The following FHL2 variants were observed in gnomAD, a reference collection of about 807,000 sequenced individuals.
FHL2 encodes four and a half LIM domains 2, also known as four and a half LIM domains protein 2.
Under a neutral mutation model 32.7 loss-of-function variants are expected in FHL2, and 20 were observed. The ratio of observed to expected loss-of-function variants is 0.61; its 90% confidence interval spans 0.43 to 0.89. The LOEUF (loss-of-function observed/expected upper bound fraction) is 0.89, where lower values mean the gene tolerates loss of function less well. Ranked by LOEUF, FHL2 falls within the 40% of genes least tolerant of loss-of-function variation. The pLI, the probability that FHL2 is intolerant of heterozygous loss-of-function variation, is 0.00. For synonymous variants in FHL2, 123 were observed against 128.1 expected (o/e 0.96, Z 0.27); for missense variants, 311 against 358.6 (o/e 0.87, Z 1.07).
chr2:105,370,252 G>A (rs897719437), intron 4 of FHL2, among the ~76,000 whole-genome samples: 38 of 152,060 alleles, frequency 2.5e-4, no homozygotes, highest in Non-Finnish European at 4.6e-4. Flanking sequence ...GTGTGTGCCT[G>A]AGGTCCTAGA....
chr2:105,407,563 T>C (rs779456903), intron 1 of FHL2, among the ~76,000 whole-genome samples: 1 of 151,824 alleles, frequency 6.6e-6, no homozygotes, highest in Non-Finnish European at 1.5e-5. Context: ...ATAACTTGAA[T>C]TAAAGCAAAG....
At chr2:105,404,469 C>T (rs577492037) in intron 1 of FHL2, among the ~76,000 whole-genome samples, 1 of 152,298 alleles carries the variant, frequency 6.6e-6, no homozygotes, top group African/African-American at 2.4e-5. Context: ...GGTGGTGGCA[C>T]AGAAAGCTGG....
In FHL2 at chr2:105,423,282, T is replaced by G. The variant is rs77623772; in HGVS notation, c.-25+15117A>C. ...AAATTACAGTTCGATTTTGAATTAT[T>G]TGCAAGCCACTTGAAGATTTCATAA... is the stretch of plus-strand genomic sequence containing the variant. On this transcript the variant is annotated intron_variant, in intron 1 of 5. Transcript: ENST00000393352. 8.5e-3 allele frequency among the ~76,000 whole-genome samples: 1,296 copies of G among 152,336 alleles called. 25 individuals carry two copies. Among genetic ancestry groups the G allele is most frequent in the African/African-American group, 0.03 (1,245 of 41,572 alleles).
chr2:105,370,270 G>T (rs7576334), intron 4 of FHL2, among the ~76,000 whole-genome samples: 1,770 of 152,190 alleles, frequency 0.012, 31 homozygotes, highest in African/African-American at 0.041. Context: ...AGACACGTAG[G>T]AGGCTGAGGT....
chr2:105,408,990 T>C (rs993333217), intron 1 of FHL2, among the ~76,000 whole-genome samples: 1 of 152,068 alleles, frequency 6.6e-6, no homozygotes, highest in Non-Finnish European at 1.5e-5. Flanking sequence ...CACCAGGTCA[T>C]GGTGTCCTCT....
At chr2:105,414,002 G>A (rs147094878) in intron 1 of FHL2, among the ~76,000 whole-genome samples, 11 of 152,298 alleles carry the variant, frequency 7.2e-5, no homozygotes, top group East Asian at 1.9e-4. Context: ...TTCAGATGCC[G>A]CTTGCAAATA....
intron 1 of FHL2, among the ~76,000 whole-genome samples, chr2:105,434,304 GC>G (rs1414707552): frequency 7.9e-5 from 12 of 152,244 alleles, no homozygotes; most frequent in African/African-American, 2.9e-4. Context: ...AGGCACGGTG[GC>G]TCACGCCTGT....
At chr2:105,401,851 A>G (rs567700689), upstream of FHL2, among the ~76,000 whole-genome samples, 1 of 152,230 alleles carries the variant, frequency 6.6e-6, no homozygotes, top group Non-Finnish European at 1.5e-5. Context: ...AAGACAATGT[A>G]TATTTATAAG....
chr2:105,377,854 C>T (rs1681589858), intron 3 of FHL2: 1 of 357,546 alleles, frequency 2.8e-6, no homozygotes, highest in South Asian at 2.2e-5. Context: ...TCCTTGGCCT[C>T]TCTCTGGGAA....
rs1388034464 is a variant in FHL2 at position 105,363,400 on chromosome 2, G to A, written c.573C>T (p.Cys191=). 2 of 1,613,584 alleles carry A rather than the reference G, an allele frequency of 1.2e-6. No homozygotes were observed. Among genetic ancestry groups the A allele is most frequent in the Non-Finnish European group, 8.5e-7 (1 of 1,179,868 alleles). ...AGCGCTGCCCAGACAGCTGCTTCCT[G>A]CAGGCGGTGCACACGAAGCACTCCT... is the stretch of plus-strand genomic sequence containing the variant. ...WHKECFVCTA[C]RKQLSGQRFT... The change falls in exon 6 of 7, where the codon TGC becomes TGT. Residue 191 remains cysteine, a synonymous_variant. Coordinates refer to ENST00000530340, the MANE Select transcript of FHL2 (RefSeq NM_001318895.3).
chr2:105,428,573 G>A (rs1684331831), intron 1 of FHL2, among the ~76,000 whole-genome samples: 1 of 152,220 alleles, frequency 6.6e-6, no homozygotes, highest in Admixed American at 6.5e-5. Context: ...CCTGCGGACA[G>A]GCCCGCCCAT....
At chr2:105,402,978 C>T (rs1282943556), upstream of FHL2, among the ~76,000 whole-genome samples, 1 of 152,244 alleles carries the variant, frequency 6.6e-6, no homozygotes, top group African/African-American at 2.4e-5. Flanking sequence ...ATTTGAATCT[C>T]TGTTCTATCT....
At chr2:105,363,091 G>A (rs961929809) in intron 6 of FHL2, 194 bp downstream of exon 6, 1 of 583,432 alleles carries the variant, frequency 1.7e-6, no homozygotes. Context: ...GGCTGCAGAG[G>A]AAGGAATCAT....
chr2:105,406,727 G>C (rs1683641453), intron 1 of FHL2, among the ~76,000 whole-genome samples: 1 of 152,194 alleles, frequency 6.6e-6, no homozygotes, highest in South Asian at 2.1e-4. Context: ...CAGGAAAGCA[G>C]ACACTGCAAT....
upstream of FHL2, among the ~76,000 whole-genome samples, chr2:105,403,312 C>G (rs2104645217): frequency 6.6e-6 from 1 of 152,306 alleles, no homozygotes; most frequent in Admixed American, 6.5e-5. Flanking sequence ...GGATAAAAGG[C>G]TAGTTCATGG....
At chr2:105,406,634 T>C (rs1683638333) in intron 1 of FHL2, among the ~76,000 whole-genome samples, 1 of 152,180 alleles carries the variant, frequency 6.6e-6, no homozygotes, top group Non-Finnish European at 1.5e-5. Flanking sequence ...GTCCCTTGAA[T>C]TTCCAGGTCA....
chr2:105,403,529 C>T (rs1264587652), upstream of FHL2, among the ~76,000 whole-genome samples: 1 of 152,160 alleles, frequency 6.6e-6, no homozygotes, highest in East Asian at 1.9e-4. Flanking sequence ...GAAAAGACTT[C>T]CTGCGGCTAG....
chr2:105,386,613 G>A (rs1226407674), intron 2 of FHL2, 73 bp from the exon 3 acceptor site: 5 of 1,311,488 alleles, frequency 3.8e-6, no homozygotes, highest in Non-Finnish European at 5.3e-6. Flanking sequence ...GGCATTAACT[G>A]TCCCACTGTC....
intron 1 of FHL2, among the ~76,000 whole-genome samples, chr2:105,427,844 A>G (rs1025256492): frequency 2.6e-5 from 4 of 152,276 alleles, no homozygotes; most frequent in African/African-American, 9.6e-5. Context: ...CAGCAGTTAC[A>G]CCTGTGGACC....
Sources: allele counts gnomAD v4.1 joint callset (sites outside exome capture counted in the v4.1 genomes callset), GRCh38; gene constraint gnomAD v4.1.1; transcripts MANE v1.5; gene names NCBI Gene and HGNC (gene_info 2026-07-23, HGNC 2026-07-21).